The following NREP variants were observed in gnomAD, a reference collection of about 807,000 sequenced individuals.
The protein encoded by NREP is neuronal regeneration related protein, also known as neuronal regeneration-related protein.
NREP carries 5 observed loss-of-function variants against 8.6 expected under a neutral mutation model. The observed-to-expected ratio is 0.58, with a 90% CI of 0.30 to 1.22. The LOEUF is 1.22. NREP is among the 50% of genes most tolerant of loss of function. The probability of loss-of-function intolerance (pLI) is 0.07; values close to 1 mark genes in which losing one functional copy is unlikely to be tolerated. For missense variants in NREP, 86 were observed against 82.5 expected (o/e 1.04, Z -0.17); for synonymous variants, 27 against 28.0 (o/e 0.96, Z 0.11).
At chr5:111,919,869 G>GAGAA (rs60026643) in intron 2 of NREP, among the ~76,000 whole-genome samples, 28,513 of 124,822 alleles carry the variant, frequency 0.23, 3,528 homozygotes, top group Non-Finnish European at 0.26. Context: ...CTTGAAGAGA[G>GAGAA]AGAAAGAAAG....
chr5:111,800,657 A>G (rs1228911599), intron 2 of NREP, among the ~76,000 whole-genome samples: 1 of 152,204 alleles, frequency 6.6e-6, no homozygotes, highest in Non-Finnish European at 1.5e-5. Context: ...ATTGCTGGGG[A>G]GGTAGATTTA....
At chr5:111,761,922 A>G (rs1750968534), upstream of NREP, among the ~76,000 whole-genome samples, 1 of 152,238 alleles carries the variant, frequency 6.6e-6, no homozygotes, top group African/African-American at 2.4e-5. Flanking sequence ...TGTAGAAGAA[A>G]TGTAATCTGA....
At chr5:111,756,627 A>G (rs1364582277) in intron 1 of NREP, among the ~76,000 whole-genome samples, 1 of 152,186 alleles carries the variant, frequency 6.6e-6, no homozygotes, top group Non-Finnish European at 1.5e-5. Flanking sequence ...CCTCCCCGCC[A>G]AAGTTCAACT....
intron 2 of NREP, among the ~76,000 whole-genome samples, chr5:111,765,084 G>C (rs1751049067): frequency 6.6e-6 from 1 of 152,146 alleles, no homozygotes; most frequent in Middle Eastern, 3.2e-3. Context: ...GGGCAACAGG[G>C]ACTGGTTTCC....
At chr5:111,840,210 G>A (rs570266600) in intron 2 of NREP, among the ~76,000 whole-genome samples, 8 of 151,946 alleles carry the variant, frequency 5.3e-5, no homozygotes, top group East Asian at 1.9e-4. Flanking sequence ...TATATAACAC[G>A]GTTCAGGCTC....
At chr5:111,820,479 CTATG>C (rs1476377420) in intron 2 of NREP, among the ~76,000 whole-genome samples, 1 of 151,874 alleles carries the variant, frequency 6.6e-6, no homozygotes, top group Non-Finnish European at 1.5e-5. Context: ...GATTACTAAA[CTATG>C]TGTGGGAATG....
At chr5:111,789,468 G>A (rs1211983038) in intron 2 of NREP, among the ~76,000 whole-genome samples, 1 of 152,178 alleles carries the variant, frequency 6.6e-6, no homozygotes, top group South Asian at 2.1e-4. Flanking sequence ...AGTGCCGCAT[G>A]TACATTTTAT....
chr5:111,755,900 T>C, intron 1 of NREP, 70 bp from the exon 2 acceptor site: 1 of 1,590,604 alleles, frequency 6.3e-7, no homozygotes. Context: ...AATGCCTCTT[T>C]AGAGGTTACA....
chr5:111,842,792 A>C (rs1359631315), intron 2 of NREP, among the ~76,000 whole-genome samples: 1 of 152,100 alleles, frequency 6.6e-6, no homozygotes, highest in African/African-American at 2.4e-5. Context: ...TGCTTTTCTG[A>C]GAAAGTCGTT....
chr5:111,859,255 G>C (rs1753493351), intron 2 of NREP, among the ~76,000 whole-genome samples: 1 of 152,120 alleles, frequency 6.6e-6, no homozygotes, highest in Non-Finnish European at 1.5e-5. Context: ...TTGGCTGCTA[G>C]ACACTCAGAA....
At chr5:111,864,444 C>A (rs183221553) in intron 2 of NREP, among the ~76,000 whole-genome samples, 4 of 152,092 alleles carry the variant, frequency 2.6e-5, no homozygotes, top group East Asian at 1.9e-4. Context: ...TATCACCCCC[C>A]AGAAGGGCAA....
intron 2 of NREP, among the ~76,000 whole-genome samples, chr5:111,913,781 A>G (rs986042718): frequency 6.6e-6 from 1 of 152,086 alleles, no homozygotes; most frequent in Non-Finnish European, 1.5e-5. Flanking sequence ...GATTATAGGG[A>G]TGAGGCTATT....
chr5:111,902,205 CCT>C (rs1256857054), intron 2 of NREP, among the ~76,000 whole-genome samples: 1 of 151,866 alleles, frequency 6.6e-6, no homozygotes, highest in African/African-American at 2.4e-5. Context: ...GAGTAAGGAC[CCT>C]CTCTTAAATA....
intron 2 of NREP, among the ~76,000 whole-genome samples, chr5:111,819,327 T>C (rs546987987): frequency 6.2e-4 from 95 of 152,276 alleles, no homozygotes; most frequent in African/African-American, 2.2e-3. Flanking sequence ...GGAATTAGCA[T>C]AGACTGTGTG....
intron 2 of NREP, among the ~76,000 whole-genome samples, chr5:111,790,697 T>C (rs1369209542): frequency 2.0e-5 from 3 of 152,190 alleles, no homozygotes; most frequent in South Asian, 4.1e-4. Context: ...AAATGATTTA[T>C]GGTAGAGCCA....
rs1472544347 is a variant in NREP, at chr5:111,966,525, A to G, written c.135+8749T>C. Among the ~76,000 whole-genome samples the G allele has an allele frequency of 2.0e-5, 3 of 152,130 alleles. No homozygotes were observed. In the East Asian group the frequency reaches 5.8e-4, roughly 29 times the overall value. ...AGATCTCTTGCTGCTGTTTATTACT[A>G]CCTTTCCTGCTTCTAAAAATGATTT... On this transcript the variant is annotated intron_variant, in intron 2 of 3. Transcript: ENST00000395634.
At chr5:111,877,982 T>G (rs1753952409) in intron 2 of NREP, among the ~76,000 whole-genome samples, 2 of 152,086 alleles carry the variant, frequency 1.3e-5, no homozygotes, top group African/African-American at 2.4e-5. Context: ...AATCACTTCA[T>G]TGATATTGAA....
intron 1 of NREP, chr5:111,756,032 G>A (rs1251716613): frequency 1.5e-6 from 2 of 1,346,338 alleles, no homozygotes; most frequent in African/African-American, 1.5e-5. Context: ...GGAATCCCTG[G>A]TACTTGGCTT....
chr5:111,780,010 G>C (rs1751455725), intron 2 of NREP, among the ~76,000 whole-genome samples: 1 of 152,222 alleles, frequency 6.6e-6, no homozygotes, highest in Non-Finnish European at 1.5e-5. Flanking sequence ...TAAGTGGATA[G>C]TGCTGGCCGT....
Sources: allele counts gnomAD v4.1 joint callset (sites outside exome capture counted in the v4.1 genomes callset), GRCh38; gene constraint gnomAD v4.1.1; transcripts MANE v1.5; gene names NCBI Gene and HGNC (gene_info 2026-07-23, HGNC 2026-07-21).